The following SYNPO2 variants were observed in gnomAD, a reference collection of about 807,000 sequenced individuals.
SYNPO2 encodes synaptopodin-2.
In SYNPO2, 56 loss-of-function variants were observed where a neutral mutation model predicts 85.0. The ratio of observed to expected loss-of-function variants is 0.66; its 90% CI spans 0.53 to 0.82. The LOEUF is 0.82. Ranked by LOEUF, SYNPO2 falls within the 40% of genes least tolerant of loss-of-function variation. The pLI is 0.00. For synonymous variants in SYNPO2, 602 were observed against 591.1 expected, an observed-to-expected ratio of 1.02 and a Z score of -0.27; for missense variants, 1,575 against 1,534.2, an observed-to-expected ratio of 1.03 and a Z score of -0.44.
rs567209793 is a variant in SYNPO2 at position 119,060,452 on chromosome 4, G to A, written c.*2518G>A. 7.0e-6 allele frequency: 1 copy of A among 141,954 alleles called. No homozygotes were observed. The highest frequency in any genetic ancestry group is 2.3e-4 in the South Asian group (1 of 4,436). 8.8% of individuals were successfully genotyped at this position (141,954 alleles called of 1,614,324 possible). ...TAAATCATCCTAAAGTGTACTGTGG[G>A]TATTCTCCAGCATACTTGAAAATGA... On this transcript the variant is annotated 3_prime_UTR_variant, in exon 5 of 5. Transcript: ENST00000307142.
At chr4:118,996,015 A>G (rs1736579795) in intron 1 of SYNPO2, among the ~76,000 whole-genome samples, 1 of 152,172 alleles carries the variant, frequency 6.6e-6, no homozygotes, top group African/African-American at 2.4e-5. Context: ...TTTTGTACTG[A>G]AAAGCTTTTG....
chr4:118,900,697 C>CTATATATA (rs1165068182), intron 1 of SYNPO2, among the ~76,000 whole-genome samples: 9 of 37,176 alleles, frequency 2.4e-4, no homozygotes, highest in South Asian at 1.2e-3. Context: ...CTCTCTCTCT[C>CTATATATA]TCTCTCTATA....
chr4:118,983,768 T>C (rs1042639814), intron 1 of SYNPO2, among the ~76,000 whole-genome samples: 2 of 87,258 alleles, frequency 2.3e-5, no homozygotes. Flanking sequence ...CTCAGTAATA[T>C]TTCTAACAAG....
intron 1 of SYNPO2, among the ~76,000 whole-genome samples, chr4:118,875,384 T>C (rs1057038138): frequency 1.3e-5 from 2 of 152,222 alleles, no homozygotes; most frequent in African/African-American, 4.8e-5. Context: ...TATCATATTT[T>C]ACATTAACCT....
At chr4:118,954,282 T>C (rs1345776156) in intron 1 of SYNPO2, among the ~76,000 whole-genome samples, 1 of 152,172 alleles carries the variant, frequency 6.6e-6, no homozygotes, top group Non-Finnish European at 1.5e-5. Flanking sequence ...GCCTTCAATA[T>C]CTTCATTTTT....
intron 3 of SYNPO2, among the ~76,000 whole-genome samples, chr4:119,029,035 G>T (rs1435459955): frequency 1.3e-5 from 2 of 151,764 alleles, no homozygotes; most frequent in Non-Finnish European, 2.9e-5. Context: ...ACAGTTAAGT[G>T]GGTCACAAGT....
chr4:118,884,080 G>A (rs1458503933), upstream of SYNPO2, among the ~76,000 whole-genome samples: 8 of 152,140 alleles, frequency 5.3e-5, no homozygotes. Context: ...ACAGCTAGGG[G>A]GCACTGAGCT....
At chr4:119,032,305 A>C (rs1029083044) in intron 4 of SYNPO2, 2 of 1,343,772 alleles carry the variant, frequency 1.5e-6, no homozygotes, top group African/African-American at 2.9e-5. Flanking sequence ...ATGTACCGTT[A>C]TATTAAGTAA....
chr4:118,994,583 C>T (rs1354866747), intron 1 of SYNPO2, among the ~76,000 whole-genome samples: 1 of 152,148 alleles, frequency 6.6e-6, no homozygotes, highest in Admixed American at 6.5e-5. Context: ...TAATTGGTTA[C>T]AGAGGAATTT....
chr4:118,851,816 C>T (rs896624927), intron 1 of SYNPO2, among the ~76,000 whole-genome samples: 1 of 151,996 alleles, frequency 6.6e-6, no homozygotes, highest in African/African-American at 2.4e-5. Flanking sequence ...TGTGATGTAC[C>T]ATTTTGGTGG....
chr4:119,058,105 T>A lies in SYNPO2; in HGVS notation c.*171T>A. 1.8e-6 allele frequency: 1 copy of A among 563,880 alleles called. No homozygotes were observed. The allele number at this position is 563,880 out of a possible 1,614,324, so 34.9% of individuals were successfully genotyped here. A position where few individuals can be genotyped will look rare whatever the true frequency, so the allele number is the denominator to read the frequency against. ...GTGTGTGTGTGTGTGTGTATGTATG[T>A]GAATATACACACACACACACACACA... On this transcript the variant is annotated 3_prime_UTR_variant, in exon 5 of 5. Transcript: ENST00000307142.
intron 1 of SYNPO2, among the ~76,000 whole-genome samples, chr4:119,007,211 C>A (rs1232145372): frequency 1.4e-5 from 1 of 72,962 alleles, no homozygotes; most frequent in Non-Finnish European, 2.8e-5. Context: ...CAAAAAAGAA[C>A]AAAGGTATAT....
At chr4:119,038,244 GC>G (rs1738593888) in intron 4 of SYNPO2, 4 of 985,308 alleles carry the variant, frequency 4.1e-6, no homozygotes, top group Non-Finnish European at 3.6e-6. Flanking sequence ...TTTGTAGATA[GC>G]TTTGACCACA....
At chr4:118,876,691 T>TTCTTTCTTTCTTTCTC (rs905998532) in intron 1 of SYNPO2, among the ~76,000 whole-genome samples, 1 of 97,462 alleles carries the variant, frequency 1.0e-5, no homozygotes, top group Admixed American at 9.5e-5. Context: ...CTTTCTTTCT[T>TTCTTTCTTTCTTTCTC]TCTTTCTTTC....
intron 4 of SYNPO2, chr4:119,034,378 A>G (rs750481706): frequency 4.5e-5 from 44 of 974,012 alleles, no homozygotes; most frequent in East Asian, 1.1e-4. Context: ...GTGGTGTGGT[A>G]TGCAGGAATG....
chr4:119,058,017 T>C lies in SYNPO2; in HGVS notation c.*83T>C, dbSNP rs1739271729. ...TAGGGTTTTAAACTTTTCTAATAGA[T>C]TTAGATTCACTTTTGGTCTTGGCTT... On this transcript the variant is annotated 3_prime_UTR_variant, in exon 5 of 5. Transcript: ENST00000307142. 2.1e-6 allele frequency: 3 copies of C among 1,436,072 alleles called. No individual in the cohort carries two copies. The highest frequency in any genetic ancestry group is 1.9e-6 in the Non-Finnish European group (2 of 1,069,840). The allele number at this position is 1,436,072 out of a possible 1,614,324, so 89.0% of individuals were successfully genotyped here.
chr4:119,035,201 C>T, intron 4 of SYNPO2: 1 of 985,410 alleles, frequency 1.0e-6, no homozygotes, highest in South Asian at 4.7e-5. Flanking sequence ...TTTCTCTTTC[C>T]ACAAGTTTCC....
chr4:119,030,742 C>A lies in SYNPO2; in HGVS notation c.1967C>A (p.Ser656Tyr). Residue 656 changes from serine (S) to tyrosine (Y), a missense_variant, in exon 4 of 5, where the codon TCC becomes TAC. Around this residue, in one of 3 missense-constraint regions of SYNPO2, gnomAD observed 1,508 missense variants for 1,446.8 expected, o/e 1.04. Coordinates refer to ENST00000307142, the MANE Select transcript of SYNPO2 (RefSeq NM_133477.3). ...CCATGGCCCCAGCCTGCCCCGTGGT[C>A]CCAGCCAGCCTTTTACGATTCGTCT... Reference protein sequence around the residue: ...PPPWPQPAPWSQPAFYDSSER... With the variant: ...PPPWPQPAPWYQPAFYDSSER... 6.2e-7 allele frequency: 1 copy of A among 1,614,160 alleles called. No homozygotes were observed. The highest frequency in any genetic ancestry group is 8.5e-7 in the Non-Finnish European group (1 of 1,180,040).
chr4:118,970,225 G>A (rs1735486138), intron 1 of SYNPO2, among the ~76,000 whole-genome samples: 1 of 152,130 alleles, frequency 6.6e-6, no homozygotes, highest in Non-Finnish European at 1.5e-5. Flanking sequence ...TGCCTACCAT[G>A]TACCAGACAT....
Sources: gnomAD v4.1 joint callset for allele counts (sites outside exome capture counted in the v4.1 genomes callset) on GRCh38, gnomAD v4.1.1 for gene constraint, gnomAD v4.1.1 regional missense constraint, MANE v1.5 for transcripts, NCBI Gene and HGNC (gene_info 2026-07-23, HGNC 2026-07-21) for gene names.